Variants in JPH1 observed in about 807,000 individuals in gnomAD.
JPH1 encodes the protein junctophilin-1.
A neutral mutation model predicts 53.6 loss-of-function variants in JPH1; 12 were observed. The observed-to-expected ratio is 0.22, with a 90% CI of 0.14 to 0.36. The LOEUF is 0.36. JPH1 is among the 10% of genes least tolerant of loss of function. The probability of loss-of-function intolerance (pLI) is 1.00; values close to 1 mark genes in which losing one functional copy is unlikely to be tolerated. For synonymous variants in JPH1, 375 were observed against 363.8 expected, an observed-to-expected ratio of 1.03 and a Z score of -0.35; for missense variants, 808 against 905.5, an observed-to-expected ratio of 0.89 and a Z score of 1.38.
rs1806999373 is a variant in JPH1, at chr8:74,236,455, CAGG to C, written c.*593_*595del. ...CGAAACGTTCTCTCCCAGAACATTC[CAGG>C]AGATGTTAAAGCAGCAGGTCATGGC... On this transcript the variant is annotated 3_prime_UTR_variant, in exon 6 of 6. Coordinates refer to ENST00000342232, the MANE Select transcript of JPH1 (RefSeq NM_020647.4). The C allele has an allele frequency of 6.6e-6, 1 of 152,476 alleles. No individual in the cohort carries two copies. The highest frequency in any genetic ancestry group is 2.4e-5 in the African/African-American group (1 of 41,386). The allele number at this position is 152,476 out of a possible 1,614,324, so 9.4% of individuals were successfully genotyped here.
intron 2 of JPH1, among the ~76,000 whole-genome samples, chr8:74,302,963 A>G (rs905783226): frequency 4.2e-5 from 3 of 70,786 alleles, no homozygotes; most frequent in South Asian, 6.8e-4. Flanking sequence ...AGAAAAGAAA[A>G]AAAAAAAAAA....
intron 2 of JPH1, among the ~76,000 whole-genome samples, chr8:74,291,837 T>C (rs1807335693): frequency 1.3e-5 from 2 of 152,170 alleles, no homozygotes; most frequent in African/African-American, 4.8e-5. Context: ...CATGGAATAC[T>C]ATGCAGCCAT....
chr8:74,300,370 C>T (rs972951278), intron 2 of JPH1, among the ~76,000 whole-genome samples: 7 of 152,176 alleles, frequency 4.6e-5, no homozygotes, highest in Non-Finnish European at 7.3e-5. Context: ...CATGTACATG[C>T]ATTTTCTCTA....
intron 3 of JPH1, among the ~76,000 whole-genome samples, chr8:74,258,226 A>G (rs1462501164): frequency 6.6e-6 from 1 of 152,212 alleles, no homozygotes; most frequent in African/African-American, 2.4e-5. Flanking sequence ...CCAGTGTGGA[A>G]AAATCCTTTA....
Position 74,312,331 on chromosome 8 carries a change from A to G in JPH1, c.1139+2530T>C, listed in dbSNP as rs193094247. On this transcript the variant is annotated intron_variant, in intron 2 of 5. Coordinates refer to ENST00000342232, the MANE Select transcript of JPH1 (RefSeq NM_020647.4). Reference sequence around the variant, plus strand: ...CAGTGGCACAATCACAGCTCACTACAGTCTCGACCTCTGGGGCTCAAGCCA... The same window carrying G: ...CAGTGGCACAATCACAGCTCACTACGGTCTCGACCTCTGGGGCTCAAGCCA... Among the ~76,000 whole-genome samples, 220 of 152,256 alleles carry G rather than the reference A, an allele frequency of 1.4e-3. 1 individual carries two copies. The highest frequency in any genetic ancestry group is 1.2e-4 in the Non-Finnish European group (8 of 68,022).
chr8:74,276,891 G>A (rs1806864843), intron 2 of JPH1, among the ~76,000 whole-genome samples: 1 of 152,172 alleles, frequency 6.6e-6, no homozygotes, highest in Non-Finnish European at 1.5e-5. Context: ...CTTATTGTAT[G>A]AGTTGATTCT....
At chr8:74,240,424 C>A (rs1319030384) in intron 4 of JPH1, among the ~76,000 whole-genome samples, 3 of 151,946 alleles carry the variant, frequency 2.0e-5, no homozygotes, top group Non-Finnish European at 4.4e-5. Flanking sequence ...TTCCATCCAG[C>A]CTCTGGTAAC....
Position 74,315,699 on chromosome 8 carries a change from G to A in JPH1, c.380-79C>T. On this transcript the variant is annotated intron_variant, in intron 1 of 5. Coordinates refer to ENST00000342232, the MANE Select transcript of JPH1 (RefSeq NM_020647.4). The surrounding 1 kb of genome is among the most constrained non-coding windows in gnomAD (Gnocchi z 6.3). ...CCTGCACCATCCAGCGCACACTGGC[G>A]CAGGCCTGCCCAAGGTCAAATCTGA... 3 of 1,394,736 alleles carry A rather than the reference G, an allele frequency of 2.2e-6. No individual in the cohort carries two copies. The highest frequency in any genetic ancestry group is 1.9e-6 in the Non-Finnish European group (2 of 1,047,506). The allele number at this position is 1,394,736 out of a possible 1,614,324, so 86.4% of individuals were successfully genotyped here.
At position 74,259,367 on chromosome 8, in the gene JPH1, A is replaced by T; in HGVS notation, c.1258+18T>A. 1 of 1,583,118 alleles carries T rather than the reference A, an allele frequency of 6.3e-7. No individual in the cohort carries two copies. Among genetic ancestry groups the T allele is most frequent in the Non-Finnish European group, 8.7e-7 (1 of 1,152,992 alleles). On this transcript the variant is annotated intron_variant, in intron 3 of 5. Transcript: ENST00000342232. ...AGCCAGTGCTCCTGCCTCACCCATC[A>T]AAGGAGCACTGTTTTACCTGGTTGG...
chr8:74,308,972 ACAGG>A (rs1456315522), intron 2 of JPH1, among the ~76,000 whole-genome samples: 4 of 152,266 alleles, frequency 2.6e-5, no homozygotes, highest in Admixed American at 6.5e-5. Flanking sequence ...TTAAAATCCT[ACAGG>A]AAAAGTATGT....
At position 74,314,844 on chromosome 8, in the gene JPH1, AC is replaced by A. The variant is rs748774995; in HGVS notation, c.1139+16del. 1 of 1,613,336 alleles carries A rather than the reference AC, an allele frequency of 6.2e-7. No individual in the cohort carries two copies. The highest frequency in any genetic ancestry group is 1.1e-5 in the South Asian group (1 of 90,964). On this transcript the variant is annotated intron_variant, in intron 2 of 5. Transcript: ENST00000342232. Reference sequence around the variant, plus strand: ...TCTGACCAACCCAGCAAAACCAACCACCCTGCATTTACTTACCTTGAATTTG... The same window carrying A: ...TCTGACCAACCCAGCAAAACCAACCACCTGCATTTACTTACCTTGAATTTG...
intron 2 of JPH1, among the ~76,000 whole-genome samples, chr8:74,264,750 T>C (rs548057756): frequency 6.6e-6 from 1 of 152,248 alleles, no homozygotes; most frequent in Non-Finnish European, 1.5e-5. Context: ...CACAGATTCG[T>C]AGGGAGAGGA....
intron 2 of JPH1, among the ~76,000 whole-genome samples, chr8:74,281,455 A>C (rs1373975278): frequency 2.0e-5 from 3 of 152,204 alleles, no homozygotes; most frequent in Non-Finnish European, 4.4e-5. Context: ...GTGTCTACCC[A>C]ATTATTTCAG....
At chr8:74,277,975 C>G (rs1447920052) in intron 2 of JPH1, among the ~76,000 whole-genome samples, 1 of 152,030 alleles carries the variant, frequency 6.6e-6, no homozygotes, top group Non-Finnish European at 1.5e-5. Context: ...AAAGGATTTT[C>G]CCAGAGTTTT....
At chr8:74,317,711 G>T (rs1808203686) in intron 1 of JPH1, among the ~76,000 whole-genome samples, 1 of 152,168 alleles carries the variant, frequency 6.6e-6, no homozygotes, top group African/African-American at 2.4e-5. Flanking sequence ...AGAACAATTT[G>T]CAGAGATGCT....
At chr8:74,258,490 G>A (rs1330907222) in intron 3 of JPH1, among the ~76,000 whole-genome samples, 1 of 152,144 alleles carries the variant, frequency 6.6e-6, no homozygotes, top group Non-Finnish European at 1.5e-5. Flanking sequence ...ACATCTGAGA[G>A]GCAGATGACC....
intron 2 of JPH1, among the ~76,000 whole-genome samples, chr8:74,301,232 T>C (rs989219974): frequency 6.6e-5 from 10 of 152,006 alleles, no homozygotes; most frequent in Non-Finnish European, 1.5e-4. Context: ...TTAAATTCTT[T>C]CTCCATGAAG....
At position 74,320,916 on chromosome 8, in the gene JPH1, C is replaced by T. The variant is rs752438084; in HGVS notation, c.372G>A (p.Gly124=). 5.1e-6 allele frequency: 8 copies of T among 1,559,776 alleles called. No individual in the cohort carries two copies. The Admixed American group carries it at 9.2e-5, about 18-fold the overall frequency. Residue 124 remains glycine (G), a synonymous_variant, in exon 1 of 6, where the codon GGG becomes GGA. Transcript: ENST00000342232. The surrounding 1 kb of genome is among the most constrained non-coding windows in gnomAD (Gnocchi z 4.4). ...GCCCGTTACGCCGCTCACCTCCGTC[C>T]CCGTAGGTCTCCACGCCGTACCCGT... ...LQDGYGVETY[G]DGGTYQGQWA...
In JPH1 at chr8:74,236,813, G is replaced by A. The variant is rs545374884; in HGVS notation, c.*238C>T. ...TTAAGTTTTGCTCTCCAACATGGCC[G>A]TGTGCTTCAGCTCCCAGAGGACCCC... On this transcript the variant is annotated 3_prime_UTR_variant, in exon 6 of 6. Coordinates refer to ENST00000342232, the MANE Select transcript of JPH1 (RefSeq NM_020647.4). 5 of 159,232 alleles carry A rather than the reference G, an allele frequency of 3.1e-5. No individual in the cohort carries two copies. Among genetic ancestry groups the A allele is most frequent in the East Asian group, 1.8e-4 (1 of 5,444 alleles). 9.9% of individuals were successfully genotyped at this position (159,232 alleles called of 1,614,324 possible). A position where few individuals can be genotyped will look rare whatever the true frequency, so the allele number is the denominator to read the frequency against.
Sources: gnomAD v4.1 joint callset for allele counts (sites outside exome capture counted in the v4.1 genomes callset) on GRCh38, gnomAD v4.1.1 for gene constraint, Gnocchi (gnomAD v3.1) non-coding constraint, MANE v1.5 for transcripts, NCBI Gene and HGNC (gene_info 2026-07-23, HGNC 2026-07-21) for gene names.